PSG3: variants seen among roughly 807,000 people sequenced by gnomAD.
PSG3 encodes the protein pregnancy-specific beta-1-glycoprotein 3.
PSG3 carries 61 observed loss-of-function variants against 47.5 expected under a neutral mutation model. That is an observed-to-expected ratio of 1.28 (90% CI 1.05 to 1.59). The LOEUF is 1.59. Among genes scored for constraint, PSG3 ranks in the 40% most tolerant of loss-of-function variants. The pLI, the probability that PSG3 is intolerant of heterozygous loss-of-function variation, is 0.00. For missense variants in PSG3, 756 were observed against 524.0 expected (o/e 1.44, Z -4.32); for synonymous variants, 263 against 198.4 (o/e 1.33, Z -2.74).
rs1158575711 is a variant in PSG3, at chr19:42,730,059, G to C, written c.710-3C>G. The C allele has an allele frequency of 2.5e-6, 4 of 1,611,468 alleles. No homozygotes were observed. Among genetic ancestry groups the C allele is most frequent in the Admixed American group, 1.7e-5 (1 of 59,930 alleles). On this transcript the variant is annotated splice_region_variant and splice_polypyrimidine_tract_variant and intron_variant, in intron 3 of 6. Coordinates refer to ENST00000327495, the MANE Select transcript of PSG3 (RefSeq NM_021016.4). ...GATGTAGGGCTTGGGCAGCTTCGCT[G>C]TGTGGATAACAGAGAGAAGATTGTC... is the stretch of plus-strand genomic sequence containing the variant.
intron 2 of PSG3, among the ~76,000 whole-genome samples, chr19:42,737,826 C>G (rs1426919722): frequency 6.6e-6 from 1 of 152,176 alleles, no homozygotes; most frequent in Non-Finnish European, 1.5e-5. Flanking sequence ...TTCTCTCAAA[C>G]AAATAAGCTA....
rs774187620 is a variant in PSG3 at position 42,729,903 on chromosome 19, C to T, written c.863G>A (p.Arg288Gln). The T allele has an allele frequency of 6.2e-6, 10 of 1,612,078 alleles. No homozygotes were observed. The highest frequency in any genetic ancestry group is 1.1e-5 in the South Asian group (1 of 90,986). ...QSLPVSPRVK[R>Q]PIENRILILP... ...AATGAGGATCCTGTTTTCAATGGGT[C>T]GCTTTACCCTGGGACTGACCGGGAG... The change falls in exon 4 of 7, where the codon CGA (arginine) becomes CAA (glutamine). Residue 288 changes from arginine to glutamine, a missense_variant. Transcript: ENST00000327495.
At chr19:42,738,131 C>G (rs951826566) in intron 2 of PSG3, among the ~76,000 whole-genome samples, 5 of 152,186 alleles carry the variant, frequency 3.3e-5, no homozygotes, top group African/African-American at 1.2e-4. Flanking sequence ...CCTCTCCACT[C>G]TGAGTGTCAG....
intron 5 of PSG3, among the ~76,000 whole-genome samples, chr19:42,727,777 A>C (rs547664011): frequency 8.5e-5 from 13 of 152,332 alleles, no homozygotes; most frequent in South Asian, 2.1e-4. Context: ...TCTGGACATA[A>C]TCCCCATAGA....
At chr19:42,739,130 G>A (rs748350873) in intron 1 of PSG3, 41 bp from the exon 2 acceptor site, 2 of 1,562,030 alleles carry the variant, frequency 1.3e-6, no homozygotes, top group Non-Finnish European at 1.7e-6. Context: ...TGAGACCTAT[G>A]CATTGGGGTG....
Position 42,732,959 on chromosome 19 carries a change from G to T in PSG3, c.534C>A (p.Tyr178Ter). 6.2e-7 allele frequency: 1 copy of T among 1,614,132 alleles called. No individual in the cohort carries two copies. Among genetic ancestry groups the T allele is most frequent in the South Asian group, 1.1e-5 (1 of 91,078 alleles). The stretch of plus-strand genomic sequence containing the variant: ...GGCTCTGACCATTCATCCACCACAG[G>T]TAGCTTGCGTCCGGAGTCTCAGGAT... Reference protein sequence around the residue: ...TCDPETPDASYLWWMNGQSLP... With the variant: ...TCDPETPDAS Residue 178 changes from tyrosine (Y) to a stop codon, truncating the protein, a stop_gained, in exon 3 of 7, where the codon TAC (tyrosine) becomes TAA (stop). Transcript: ENST00000327495. LOFTEE classifies it high-confidence loss of function.
At chr19:42,730,961 A>C (rs1969463697) in intron 3 of PSG3, among the ~76,000 whole-genome samples, 1 of 152,232 alleles carries the variant, frequency 6.6e-6, no homozygotes, top group Admixed American at 6.5e-5. Context: ...GATATGAGAC[A>C]AATTTGGAGA....
chr19:42,738,379 T>C lies in PSG3; in HGVS notation c.430+345A>G, dbSNP rs1353998212. Among the ~76,000 whole-genome samples the C allele has an allele frequency of 3.3e-5, 5 of 152,170 alleles. No homozygotes were observed. The East Asian group carries it at 7.7e-4, about 23-fold the overall frequency. ...GCTGAGCTTCTCTGAGAGTATTTCA[T>C]GGGGCCCCTGAGGCCAAGCCCTACT... On this transcript the variant is annotated intron_variant, in intron 2 of 6. Transcript: ENST00000327495.
In PSG3 at chr19:42,732,894, C is replaced by G; in HGVS notation, c.599G>C (p.Arg200Thr). The G allele has an allele frequency of 6.2e-7, 1 of 1,614,116 alleles. No homozygotes were observed. Among genetic ancestry groups the G allele is most frequent in the Non-Finnish European group, 8.5e-7 (1 of 1,180,004 alleles). Reference sequence around the variant, plus strand: ...TGTGACACCAAATAGAAAGAGGGTCCTTTTGTTTTTGGACAACTGCAAGCT... The same window carrying G: ...TGTGACACCAAATAGAAAGAGGGTCGTTTTGTTTTTGGACAACTGCAAGCT... ...THSLQLSKNKRTLFLFGVTKY... is the reference protein window; with the variant it reads ...THSLQLSKNKTTLFLFGVTKY... Residue 200 changes from arginine (R) to threonine (T), a missense_variant, in exon 3 of 7, where the codon AGG (arginine) becomes ACG (threonine). Arg to Thr is a moderately conservative substitution (Grantham distance 71). Coordinates refer to ENST00000327495, the MANE Select transcript of PSG3 (RefSeq NM_021016.4).
intron 2 of PSG3, among the ~76,000 whole-genome samples, chr19:42,736,611 T>TG (rs1969566781): frequency 2.8e-5 from 3 of 106,476 alleles, no homozygotes; most frequent in African/African-American, 9.9e-5. Context: ...TTTCAATACA[T>TG]TTGTGTGTGT....
chr19:42,724,698 C>A (rs1401272860), intron 5 of PSG3, among the ~76,000 whole-genome samples: 4 of 151,938 alleles, frequency 2.6e-5, no homozygotes, highest in Non-Finnish European at 5.9e-5. Context: ...GCCCCACATT[C>A]CCTCACAGGT....
At chr19:42,726,507 A>G (rs1415568846) in intron 5 of PSG3, among the ~76,000 whole-genome samples, 1 of 152,216 alleles carries the variant, frequency 6.6e-6, no homozygotes, top group Non-Finnish European at 1.5e-5. Flanking sequence ...AACAATCTGA[A>G]GGGAAATTAA....
At chr19:42,728,511 G>A (rs1969411322) in intron 5 of PSG3, among the ~76,000 whole-genome samples, 1 of 152,148 alleles carries the variant, frequency 6.6e-6, no homozygotes, top group African/African-American at 2.4e-5. Flanking sequence ...AGCCTGGCCC[G>A]GGGGAGGCTT....
Position 42,721,875 on chromosome 19 carries a change from T to G in PSG3, c.*256A>C. On this transcript the variant is annotated 3_prime_UTR_variant, in exon 7 of 7. Transcript: ENST00000327495. ...ACATTGTTTTGACTATTTAGTCCAATAAAATTGGGTTTTTTTCTTTGTCTT... is the reference window on the plus strand; with the variant it reads ...ACATTGTTTTGACTATTTAGTCCAAGAAAATTGGGTTTTTTTCTTTGTCTT... 1 of 414,990 alleles carries G rather than the reference T, an allele frequency of 2.4e-6. No individual in the cohort carries two copies. The highest frequency in any genetic ancestry group is 4.4e-6 in the Non-Finnish European group (1 of 226,066). 25.7% of individuals were successfully genotyped at this position (414,990 alleles called of 1,614,324 possible). A position where few individuals can be genotyped will look rare whatever the true frequency, so the allele number is the denominator to read the frequency against.
At chr19:42,727,276 T>C (rs1408931130) in intron 5 of PSG3, among the ~76,000 whole-genome samples, 1 of 152,076 alleles carries the variant, frequency 6.6e-6, no homozygotes, top group Non-Finnish European at 1.5e-5. Flanking sequence ...TTCATAAAAA[T>C]CAAAACCTTT....
chr19:42,733,162 C>A (rs564694308), intron 2 of PSG3, 100 bp from the exon 3 acceptor site: 13 of 1,531,142 alleles, frequency 8.5e-6, no homozygotes, highest in Middle Eastern at 2.2e-4. Flanking sequence ...CTCAGCCCAC[C>A]CAAGTCCTTA....
intron 2 of PSG3, among the ~76,000 whole-genome samples, 167 bp downstream of exon 2, chr19:42,738,557 T>C (rs1236311184): frequency 6.6e-6 from 1 of 152,112 alleles, no homozygotes; most frequent in African/African-American, 2.4e-5. Flanking sequence ...GGAATTCTGA[T>C]CTGTTGAAAT....
intron 2 of PSG3, among the ~76,000 whole-genome samples, chr19:42,737,891 T>C (rs145973025): frequency 0.016 from 2,479 of 152,326 alleles, 33 homozygotes; most frequent in African/African-American, 0.028. Flanking sequence ...GTTAAATGAT[T>C]CACAGTCACG....
chr19:42,726,573 G>C (rs1969381337), intron 5 of PSG3, among the ~76,000 whole-genome samples: 2 of 152,120 alleles, frequency 1.3e-5, no homozygotes, highest in South Asian at 4.1e-4. Flanking sequence ...TTAGGAATGA[G>C]TTTAACCAAA....
Sources: allele counts gnomAD v4.1 joint callset (sites outside exome capture counted in the v4.1 genomes callset), GRCh38; gene constraint gnomAD v4.1.1; transcripts MANE v1.5; gene names NCBI Gene and HGNC (gene_info 2026-07-23, HGNC 2026-07-21).